The following NUP42 variants were observed in gnomAD, a reference collection of about 807,000 sequenced individuals.
The protein encoded by NUP42 is nucleoporin NUP42.
A neutral mutation model predicts 35.9 loss-of-function variants in NUP42; 47 were observed. The observed-to-expected ratio is 1.31, with a 90% confidence interval of 1.04 to 1.67. The LOEUF (loss-of-function observed/expected upper bound fraction) is 1.67. Among genes scored for constraint, NUP42 ranks in the 40% most tolerant of loss-of-function variants. The pLI is 0.00. For synonymous variants in NUP42, 173 were observed against 173.3 expected (o/e 1.00, Z 0.01); for missense variants, 514 against 492.2 (o/e 1.04, Z -0.42).
At chr7:23,197,060 A>C (rs1562610511) in intron 5 of NUP42, 1 of 477,900 alleles carries the variant, frequency 2.1e-6, no homozygotes, top group African/African-American at 2.0e-5. Context: ...TAAGTATTTA[A>C]GGTTATCTGT....
rs1786180096 is a variant in NUP42 at position 23,200,448 on chromosome 7, A to T, written c.975A>T (p.Thr325=). Residue 325 remains threonine, a synonymous_variant, in exon 7 of 7, where the codon ACA becomes ACT. Transcript: ENST00000258742. ...GFSGLPASLA[T]GPVRAPVAPA... ...CAGGACTTCCAGCTTCCTTGGCAAC[A>T]GGTCCTGTCAGAGCTCCAGTGGCCC... 1 of 1,614,208 alleles carries T rather than the reference A, an allele frequency of 6.2e-7. No individual in the cohort carries two copies. Among genetic ancestry groups the T allele is most frequent in the Non-Finnish European group, 8.5e-7 (1 of 1,180,036 alleles).
chr7:23,200,582 C>A lies in NUP42; in HGVS notation c.1109C>A (p.Ser370Tyr). 1 of 1,614,144 alleles carries A rather than the reference C, an allele frequency of 6.2e-7. No individual in the cohort carries two copies. Among genetic ancestry groups the A allele is most frequent in the African/African-American group, 1.3e-5 (1 of 75,038 alleles). Reference sequence around the variant, plus strand: ...GACACTTTTGGAAATAGCAGCATATCCACTTCTCTGTCAGCCTCAAGCAGC... The same window carrying A: ...GACACTTTTGGAAATAGCAGCATATACACTTCTCTGTCAGCCTCAAGCAGC... ...SSDTFGNSSI[S>Y]TSLSASSSII... The change falls in exon 7 of 7, where the codon TCC (serine) becomes TAC (tyrosine). Residue 370 changes from serine to tyrosine, a missense_variant. Transcript: ENST00000258742.
At chr7:23,184,363 G>T (rs1220535526) in intron 1 of NUP42, among the ~76,000 whole-genome samples, 1 of 152,170 alleles carries the variant, frequency 6.6e-6, no homozygotes, top group Non-Finnish European at 1.5e-5. Context: ...ACAGTATAGG[G>T]CCTGGTGGGG....
chr7:23,185,092 T>C lies in NUP42; in HGVS notation c.144T>C (p.Asn48=). ...TAGGTAATAATAGACGTGGATGGAA[T>C]ACAACTAGCCAGAGATATTCCAATG... ...QPSGNNRRGW[N]TTSQRYSNVI... The change falls in exon 2 of 7, where the codon AAT becomes AAC. Residue 48 remains asparagine (N), a synonymous_variant. Coordinates refer to ENST00000258742, the MANE Select transcript of NUP42 (RefSeq NM_007342.3). The C allele has an allele frequency of 6.2e-7, 1 of 1,614,010 alleles. No homozygotes were observed. The highest frequency in any genetic ancestry group is 1.1e-5 in the South Asian group (1 of 91,060).
chr7:23,183,830 TAGA>T (rs79185447), intron 1 of NUP42, among the ~76,000 whole-genome samples: 7,241 of 147,496 alleles, frequency 0.049, 255 homozygotes, highest in Non-Finnish European at 0.073. Context: ...TTTGGAACTT[TAGA>T]AGAAGAAGAT....
At chr7:23,193,041 G>A (rs1329213711) in intron 3 of NUP42, among the ~76,000 whole-genome samples, 2 of 151,770 alleles carry the variant, frequency 1.3e-5, no homozygotes, top group African/African-American at 4.8e-5. Context: ...GTGAAGCTGT[G>A]GACCTTCGCG....
chr7:23,185,326 T>C, intron 2 of NUP42, 28 bp downstream of exon 2: 1 of 1,473,454 alleles, frequency 6.8e-7, no homozygotes, highest in Non-Finnish European at 9.4e-7. Flanking sequence ...GGAAAATTAC[T>C]ATCCATTTGC....
chr7:23,191,352 CA>C (rs1406662439), intron 3 of NUP42, among the ~76,000 whole-genome samples: 2 of 152,116 alleles, frequency 1.3e-5, no homozygotes, highest in East Asian at 3.9e-4. Flanking sequence ...GATAGGGAGA[CA>C]AGTTAGAAGA....
chr7:23,192,560 A>AAAG (rs550459421), intron 3 of NUP42, among the ~76,000 whole-genome samples: 6 of 151,476 alleles, frequency 4.0e-5, no homozygotes, highest in South Asian at 2.1e-4. Context: ...AAAAAAAAAA[A>AAAG]AAAGAAAAAG....
intron 3 of NUP42, chr7:23,188,550 GT>G (rs2128473173): frequency 1.0e-6 from 1 of 984,608 alleles, no homozygotes; most frequent in South Asian, 4.7e-5. Context: ...CCTGAATATA[GT>G]TGTCAGATAA....
chr7:23,192,737 CCCCTGTACAAGTGGA>C lies in NUP42; in HGVS notation c.446-3092_446-3078del, dbSNP rs570642402. On this transcript the variant is annotated intron_variant, in intron 3 of 6. Transcript: ENST00000258742. ...CGGAAGAAAATCCCTGTACAAGTGGCCCCTGTACAAGTGGACCCTGTACAGCTGTGTGTACAGTTG... is the reference window on the plus strand; with the variant it reads ...CGGAAGAAAATCCCTGTACAAGTGGCCCCTGTACAGCTGTGTGTACAGTTG... Among the ~76,000 whole-genome samples the C allele has an allele frequency of 1.9e-3, 289 of 151,988 alleles. 1 individual carries two copies. The highest frequency in any genetic ancestry group is 0.01 in the Middle Eastern group (3 of 294).
chr7:23,185,530 A>G (rs1785561984), intron 2 of NUP42, among the ~76,000 whole-genome samples: 1 of 152,182 alleles, frequency 6.6e-6, no homozygotes, highest in African/African-American at 2.4e-5. Flanking sequence ...ATTTTATTTC[A>G]CTTAAAAATA....
rs532277781 is a variant in NUP42 at position 23,185,155 on chromosome 7, G to A, written c.207G>A (p.Trp69Ter). Reference protein sequence around the residue: ...QPSSFSKSTPWGGSRDQEKPY... With the variant: ...QPSSFSKSTP ...CCAGTTTCTCCAAATCCACACCATGGGGGGGCAGCAGAGATCAAGAAAAGC... is the reference window on the plus strand; with the variant it reads ...CCAGTTTCTCCAAATCCACACCATGAGGGGGCAGCAGAGATCAAGAAAAGC... The change falls in exon 2 of 7, where the codon TGG becomes TGA. Residue 69 changes from tryptophan (W) to a stop codon, truncating the protein, a stop_gained. Transcript: ENST00000258742. LOFTEE classifies it high-confidence loss of function. 67 of 1,613,990 alleles carry A rather than the reference G, an allele frequency of 4.2e-5. No homozygotes were observed. Among genetic ancestry groups the A allele is most frequent in the Middle Eastern group, 1.6e-4 (1 of 6,084 alleles).
At chr7:23,191,953 G>A (rs1372001633) in intron 3 of NUP42, among the ~76,000 whole-genome samples, 3 of 151,948 alleles carry the variant, frequency 2.0e-5, no homozygotes, top group African/African-American at 7.3e-5. Flanking sequence ...ATGAGACTGT[G>A]TCTCAAAAAT....
chr7:23,195,624 A>G (rs370119914), intron 3 of NUP42: 2 of 408,940 alleles, frequency 4.9e-6, no homozygotes, highest in East Asian at 4.5e-5. Flanking sequence ...ATCTTTAGAA[A>G]ATCTTCCCCA....
At chr7:23,197,564 GC>G (rs1786056467) in intron 5 of NUP42, among the ~76,000 whole-genome samples, 2 of 152,160 alleles carry the variant, frequency 1.3e-5, no homozygotes, top group African/African-American at 4.8e-5. Context: ...GTGAGAGGTG[GC>G]CCACCATCAC....
At chr7:23,188,581 A>C (rs1409025110) in intron 3 of NUP42, 2 of 969,352 alleles carry the variant, frequency 2.1e-6, no homozygotes, top group South Asian at 4.8e-5. Flanking sequence ...CATCCGGTTA[A>C]ATTTAAATTT....
intron 2 of NUP42, among the ~76,000 whole-genome samples, chr7:23,186,256 T>C (rs1422517105): frequency 6.6e-6 from 1 of 152,236 alleles, no homozygotes; most frequent in African/African-American, 2.4e-5. Context: ...GGTTAGTCTT[T>C]TACTTATCCT....
Position 23,185,090 on chromosome 7 carries a change from AATACAACTAGCCAGAGAT to A in NUP42, c.145_162del (p.Thr49_Tyr54del). ...TTTAGGTAATAATAGACGTGGATGG[AATACAACTAGCCAGAGAT>A]ATTCCAATGTCATCCAGCCATCCAG... On this transcript the variant is annotated inframe_deletion, in exon 2 of 7. Coordinates refer to ENST00000258742, the MANE Select transcript of NUP42 (RefSeq NM_007342.3). 6.2e-7 allele frequency: 1 copy of A among 1,613,922 alleles called. No individual in the cohort carries two copies. Among genetic ancestry groups the A allele is most frequent in the South Asian group, 1.1e-5 (1 of 91,044 alleles).
Sources: allele counts gnomAD v4.1 joint callset (sites outside exome capture counted in the v4.1 genomes callset), GRCh38; gene constraint gnomAD v4.1.1; transcripts MANE v1.5; gene names NCBI Gene and HGNC (gene_info 2026-07-23, HGNC 2026-07-21).